The following PTPRD variants were observed in gnomAD, a reference collection of about 807,000 sequenced individuals.
PTPRD encodes the protein receptor-type tyrosine-protein phosphatase delta.
PTPRD carries 34 observed loss-of-function variants against 214.5 expected under a neutral mutation model. The ratio of observed to expected loss-of-function variants is 0.16; its 90% CI spans 0.12 to 0.21. The LOEUF (loss-of-function observed/expected upper bound fraction) is 0.21. PTPRD is among the 10% of genes least tolerant of loss of function. PTPRD has a pLI of 1.00. For missense variants in PTPRD, 2,545 were observed against 2,398.7 expected (o/e 1.06, Z -1.27); for synonymous variants, 1,128 against 845.7 (o/e 1.33, Z -5.79).
intron 12 of PTPRD, among the ~76,000 whole-genome samples, chr9:8,693,432 C>G (rs1434265): frequency 2.0e-5 from 3 of 152,032 alleles, no homozygotes; most frequent in African/African-American, 7.2e-5. Context: ...TGTATCCTAG[C>G]AACTCATGGC....
At chr9:8,828,744 A>G (rs994167840) in intron 11 of PTPRD, among the ~76,000 whole-genome samples, 1 of 152,216 alleles carries the variant, frequency 6.6e-6, no homozygotes, top group Non-Finnish European at 1.5e-5. Flanking sequence ...TAAATTGTTA[A>G]GTCCATGTTT....
At chr9:9,210,312 T>C (rs767481607) in intron 9 of PTPRD, among the ~76,000 whole-genome samples, 1 of 152,132 alleles carries the variant, frequency 6.6e-6, no homozygotes, top group Non-Finnish European at 1.5e-5. Flanking sequence ...AAAATATATA[T>C]AACAGGTGAG....
chr9:10,271,392 C>G (rs947713896), intron 3 of PTPRD, among the ~76,000 whole-genome samples: 2 of 148,318 alleles, frequency 1.3e-5, no homozygotes, highest in Non-Finnish European at 3.0e-5. Flanking sequence ...CTCAGAGTCT[C>G]TTTATGACTT....
intron 7 of PTPRD, among the ~76,000 whole-genome samples, chr9:9,609,409 G>C (rs190706299): frequency 6.6e-6 from 1 of 152,128 alleles, no homozygotes. Context: ...ACAGACAAAA[G>C]AAACTTTGGG....
At chr9:9,415,396 C>T (rs1363746122) in intron 8 of PTPRD, among the ~76,000 whole-genome samples, 1 of 152,006 alleles carries the variant, frequency 6.6e-6, no homozygotes, top group African/African-American at 2.4e-5. Context: ...ATTACCTGAC[C>T]CCTAGAAACA....
chr9:8,578,331 A>C (rs547080761), intron 14 of PTPRD, among the ~76,000 whole-genome samples: 1 of 152,166 alleles, frequency 6.6e-6, no homozygotes, highest in Non-Finnish European at 1.5e-5. Flanking sequence ...AACTAGGTAT[A>C]CTGTTGATCG....
At chr9:9,408,820 G>T (rs898407668) in intron 8 of PTPRD, among the ~76,000 whole-genome samples, 1 of 151,746 alleles carries the variant, frequency 6.6e-6, no homozygotes, top group African/African-American at 2.4e-5. Context: ...GGCACAAAGT[G>T]CGTTCTCAGT....
intron 12 of PTPRD, among the ~76,000 whole-genome samples, chr9:8,685,079 C>T (rs2097651626): frequency 6.6e-6 from 1 of 152,076 alleles, no homozygotes; most frequent in South Asian, 2.1e-4. Flanking sequence ...TCAAGGGCAA[C>T]AGCATTACAT....
intron 35 of PTPRD, among the ~76,000 whole-genome samples, chr9:8,429,195 C>A (rs1564745017): frequency 6.6e-6 from 1 of 152,016 alleles, no homozygotes; most frequent in African/African-American, 2.4e-5. Flanking sequence ...ATCATCAGGG[C>A]ATAGTAAGAA....
chr9:9,808,251 G>A (rs1251091677), intron 5 of PTPRD, among the ~76,000 whole-genome samples: 3 of 152,032 alleles, frequency 2.0e-5, no homozygotes, highest in Non-Finnish European at 4.4e-5. Context: ...TGAGCATTTC[G>A]AATTAAATTA....
At chr9:9,115,567 T>C (rs1006772553) in intron 10 of PTPRD, among the ~76,000 whole-genome samples, 2 of 152,168 alleles carry the variant, frequency 1.3e-5, no homozygotes, top group Non-Finnish European at 2.9e-5. Context: ...GAAAACAATA[T>C]GTAGATTTCT....
chr9:10,223,352 T>A (rs1214367131), intron 3 of PTPRD, among the ~76,000 whole-genome samples: 4 of 151,972 alleles, frequency 2.6e-5, no homozygotes, highest in Non-Finnish European at 5.9e-5. Flanking sequence ...ACCTCCTGGT[T>A]TGCTTAAGTA....
At chr9:10,315,825 T>G (rs976159115) in intron 3 of PTPRD, among the ~76,000 whole-genome samples, 1 of 151,780 alleles carries the variant, frequency 6.6e-6, no homozygotes, top group African/African-American at 2.4e-5. Flanking sequence ...CCCCAGAGAG[T>G]GGCTCATTTG....
intron 3 of PTPRD, among the ~76,000 whole-genome samples, chr9:10,147,276 T>A (rs1379056067): frequency 2.0e-5 from 3 of 152,040 alleles, no homozygotes; most frequent in Non-Finnish European, 4.4e-5. Flanking sequence ...TTTTTTTTAT[T>A]ATTATACTTT....
At chr9:9,712,548 T>C (rs1218085184) in intron 7 of PTPRD, among the ~76,000 whole-genome samples, 1 of 152,136 alleles carries the variant, frequency 6.6e-6, no homozygotes, top group Non-Finnish European at 1.5e-5. Flanking sequence ...CCTCAGCTTG[T>C]CAAGAAAGTC....
chr9:8,945,320 T>C (rs1032408460), intron 11 of PTPRD, among the ~76,000 whole-genome samples: 1 of 147,138 alleles, frequency 6.8e-6, no homozygotes, highest in Non-Finnish European at 1.5e-5. Context: ...AATATATATT[T>C]GGAAAAAAAT....
intron 7 of PTPRD, among the ~76,000 whole-genome samples, chr9:9,632,166 C>G (rs13288752): frequency 0.18 from 27,381 of 152,076 alleles, 2,844 homozygotes; most frequent in African/African-American, 0.28. Flanking sequence ...CCATGAACTG[C>G]TGAATGGATA....
rs2098488418 is a variant in PTPRD, at chr9:8,886,402, T to A, written c.-104+132295A>T. On this transcript the variant is annotated intron_variant, in intron 11 of 45. Coordinates refer to ENST00000381196, the MANE Select transcript of PTPRD (RefSeq NM_002839.4). ...ATGCTGTTATATAAATTATATTTTATAGCATATGGTTATTATGTTCCAGGA... is the reference window on the plus strand; with the variant it reads ...ATGCTGTTATATAAATTATATTTTAAAGCATATGGTTATTATGTTCCAGGA... Among the ~76,000 whole-genome samples the A allele has an allele frequency of 5.9e-5, 9 of 152,228 alleles. No homozygotes were observed. The South Asian group carries it at 1.9e-3, about 31-fold the overall frequency.
Position 9,706,444 on chromosome 9 carries a change from CT to C in PTPRD, c.-287+28088del, listed in dbSNP as rs111909243. On this transcript the variant is annotated intron_variant, in intron 7 of 45. Coordinates refer to ENST00000381196, the MANE Select transcript of PTPRD (RefSeq NM_002839.4). Reference sequence around the variant, plus strand: ...GCACATCACCGTACTTTTGCTAACTCTTTTTTTTTTTTGAGATGGAGTTTCA... The same window carrying C: ...GCACATCACCGTACTTTTGCTAACTCTTTTTTTTTTTGAGATGGAGTTTCA... 8.5e-3 allele frequency among the ~76,000 whole-genome samples: 1,237 copies of C among 144,688 alleles called. 15 individuals are homozygous for C. Among genetic ancestry groups the C allele is most frequent in the African/African-American group, 0.026 (1,049 of 39,812 alleles). The allele number at this position is 144,688 out of a possible 152,430, so 94.9% of individuals were successfully genotyped here. A position where few individuals can be genotyped will look rare whatever the true frequency, so the allele number is the denominator to read the frequency against.
Sources: gnomAD v4.1 joint callset for allele counts (sites outside exome capture counted in the v4.1 genomes callset) on GRCh38, gnomAD v4.1.1 for gene constraint, MANE v1.5 for transcripts, NCBI Gene and HGNC (gene_info 2026-07-23, HGNC 2026-07-21) for gene names.